DOCK1: variants seen among roughly 807,000 people sequenced by gnomAD.
The protein encoded by DOCK1 is dedicator of cytokinesis 1, also known as dedicator of cytokinesis protein 1.
A neutral mutation model predicts 262.7 loss-of-function variants in DOCK1; 138 were observed. The ratio of observed to expected loss-of-function variants is 0.53; its 90% CI spans 0.46 to 0.61. The LOEUF (loss-of-function observed/expected upper bound fraction) is 0.61. Among genes scored for constraint, DOCK1 ranks in the 20% least tolerant of loss-of-function variants. The pLI is 0.00. For synonymous variants in DOCK1, 866 were observed against 867.4 expected, an observed-to-expected ratio of 1.00 and a Z score of 0.03; for missense variants, 1,908 against 2,370.7, an observed-to-expected ratio of 0.80 and a Z score of 4.05.
intron 38 of DOCK1, among the ~76,000 whole-genome samples, chr10:127,392,517 C>T (rs1269866781): frequency 1.3e-5 from 2 of 152,154 alleles, no homozygotes; most frequent in African/African-American, 2.4e-5. Context: ...CCAGACACCC[C>T]CTGCCCACAC....
At chr10:126,957,057 G>T (rs1214066413) in intron 1 of DOCK1, among the ~76,000 whole-genome samples, 1 of 152,180 alleles carries the variant, frequency 6.6e-6, no homozygotes, top group South Asian at 2.1e-4. Context: ...AGCGGGGAAG[G>T]GGTCTCTGCA....
intron 2 of DOCK1, 129 bp from the exon 3 acceptor site, chr10:126,977,819 C>T (rs765918110): frequency 1.5e-5 from 13 of 890,772 alleles, no homozygotes; most frequent in African/African-American, 6.6e-5. Context: ...CTTAGGTTCA[C>T]TGAAAAATGC....
intron 29 of DOCK1, among the ~76,000 whole-genome samples, chr10:127,330,888 G>A (rs563708894): frequency 9.8e-5 from 15 of 152,324 alleles, no homozygotes; most frequent in African/African-American, 2.2e-4. Context: ...ACCAGCATTA[G>A]GATGACCCAA....
intron 47 of DOCK1, among the ~76,000 whole-genome samples, chr10:127,428,562 G>T (rs1273943459): frequency 6.7e-6 from 1 of 150,170 alleles, no homozygotes; most frequent in African/African-American, 2.4e-5. Context: ...GTGGATTGGG[G>T]TGCCATGTGG....
At chr10:127,368,635 T>C (rs2065050329) in intron 33 of DOCK1, among the ~76,000 whole-genome samples, 1 of 151,952 alleles carries the variant, frequency 6.6e-6, no homozygotes, top group Non-Finnish European at 1.5e-5. Flanking sequence ...GGCATTGGGG[T>C]CTTCGCGCCC....
chr10:127,406,959 G>C (rs972841807), intron 40 of DOCK1, among the ~76,000 whole-genome samples: 1 of 151,846 alleles, frequency 6.6e-6, no homozygotes, highest in Non-Finnish European at 1.5e-5. Context: ...GCTTTATATA[G>C]AAGCCTTAGA....
At chr10:127,186,126 A>G (rs2056209726) in intron 27 of DOCK1, among the ~76,000 whole-genome samples, 1 of 152,196 alleles carries the variant, frequency 6.6e-6, no homozygotes, top group Admixed American at 6.5e-5. Context: ...CAGAGGGAAA[A>G]AAACAATAGA....
intron 49 of DOCK1, among the ~76,000 whole-genome samples, chr10:127,442,180 G>A (rs1284552636): frequency 6.6e-5 from 10 of 152,164 alleles, no homozygotes; most frequent in Admixed American, 4.6e-4. Context: ...TTTACCAGAG[G>A]GCCTGAATCT....
chr10:127,294,283 T>G (rs1426286151), intron 29 of DOCK1, among the ~76,000 whole-genome samples: 1 of 152,192 alleles, frequency 6.6e-6, no homozygotes, highest in Non-Finnish European at 1.5e-5. Context: ...GTGGTTTTGT[T>G]TTGCTTTTTG....
intron 29 of DOCK1, among the ~76,000 whole-genome samples, chr10:127,269,853 C>T (rs1297343797): frequency 6.6e-6 from 1 of 152,238 alleles, no homozygotes. Flanking sequence ...CGCCCACCAC[C>T]CATGCAGTCC....
At chr10:127,287,343 C>G (rs907533032) in intron 29 of DOCK1, among the ~76,000 whole-genome samples, 2 of 151,990 alleles carry the variant, frequency 1.3e-5, no homozygotes, top group African/African-American at 4.8e-5. Flanking sequence ...GTGTGCACCA[C>G]CATGCCCAGC....
chr10:127,148,507 C>T (rs1265820224), intron 27 of DOCK1, among the ~76,000 whole-genome samples: 2 of 152,130 alleles, frequency 1.3e-5, no homozygotes, highest in African/African-American at 4.8e-5. Context: ...AGAATTCAGG[C>T]CATTTTGTCG....
chr10:127,263,310 T>C (rs2060238456), intron 29 of DOCK1, among the ~76,000 whole-genome samples: 1 of 34,398 alleles, frequency 2.9e-5, no homozygotes, highest in Non-Finnish European at 5.8e-5. Context: ...AGATACCATA[T>C]TCTATGTCTT....
At chr10:127,088,889 C>T (rs2136077548) in intron 23 of DOCK1, among the ~76,000 whole-genome samples, 1 of 152,266 alleles carries the variant, frequency 6.6e-6, no homozygotes, top group Non-Finnish European at 1.5e-5. Flanking sequence ...CCCTCAGAGT[C>T]TAAGGGGCTT....
intron 23 of DOCK1, among the ~76,000 whole-genome samples, chr10:127,066,369 C>T (rs567850046): frequency 2.0e-5 from 3 of 152,252 alleles, no homozygotes; most frequent in East Asian, 1.9e-4. Flanking sequence ...GTCTTGGAAC[C>T]GTTTCCTGCA....
chr10:126,974,137 A>T (rs962790992), intron 2 of DOCK1, among the ~76,000 whole-genome samples: 1 of 152,064 alleles, frequency 6.6e-6, no homozygotes, highest in Admixed American at 6.6e-5. Context: ...CTACCTCCAG[A>T]TAGGAGAGGT....
intron 37 of DOCK1, 77 bp from the exon 38 acceptor site, chr10:127,384,713 C>G: frequency 6.9e-7 from 1 of 1,442,716 alleles, no homozygotes; most frequent in African/African-American, 1.4e-5. Flanking sequence ...CACGCGTGTC[C>G]GATGCGAAGC....
chr10:126,992,103 T>C (rs574752674), intron 6 of DOCK1, among the ~76,000 whole-genome samples: 2 of 152,338 alleles, frequency 1.3e-5, no homozygotes, highest in South Asian at 4.1e-4. Flanking sequence ...GGGTTTGGAT[T>C]AGAAATGCTG....
At chr10:127,292,932 CAG>C (rs745575210) in intron 29 of DOCK1, among the ~76,000 whole-genome samples, 13 of 152,048 alleles carry the variant, frequency 8.5e-5, no homozygotes, top group Non-Finnish European at 1.8e-4. Context: ...ATATTAAAAA[CAG>C]GGGTGGGAAG....
Sources: gnomAD v4.1 joint callset for allele counts (sites outside exome capture counted in the v4.1 genomes callset) on GRCh38, gnomAD v4.1.1 for gene constraint, MANE v1.5 for transcripts, NCBI Gene and HGNC (gene_info 2026-07-23, HGNC 2026-07-21) for gene names.